Variants in MCC observed in about 807,000 individuals in gnomAD.
MCC encodes colorectal mutant cancer protein.
MCC carries 90 observed loss-of-function variants against 116.2 expected under a neutral mutation model. The observed-to-expected ratio is 0.77, with a 90% CI of 0.65 to 0.92. MCC has a LOEUF of 0.92. Ranked by LOEUF, MCC falls within the 40% of genes least tolerant of loss-of-function variation. The pLI is 0.00. For synonymous variants in MCC, 578 were observed against 510.5 expected, an observed-to-expected ratio of 1.13 and a Z score of -1.78; for missense variants, 1,516 against 1,312.2, an observed-to-expected ratio of 1.16 and a Z score of -2.40.
chr5:113,155,693 G>C (rs533704279), intron 3 of MCC, among the ~76,000 whole-genome samples: 1 of 152,276 alleles, frequency 6.6e-6, no homozygotes, highest in East Asian at 1.9e-4. Context: ...GAGAGATTCA[G>C]ACATATGAAC....
intron 1 of MCC, among the ~76,000 whole-genome samples, chr5:113,456,592 G>C (rs1385801385): frequency 4.1e-5 from 6 of 146,204 alleles, no homozygotes; most frequent in Non-Finnish European, 7.4e-5. Context: ...CAATAGCTGG[G>C]ACTACAGTCA....
At chr5:113,130,334 C>CG (rs1758347136) in intron 5 of MCC, among the ~76,000 whole-genome samples, 1 of 151,904 alleles carries the variant, frequency 6.6e-6, no homozygotes. Context: ...TGGGGCCTGT[C>CG]TGGGGATGGG....
intron 2 of MCC, among the ~76,000 whole-genome samples, chr5:113,378,028 A>G (rs1769027565): frequency 6.6e-6 from 1 of 152,226 alleles, no homozygotes; most frequent in Admixed American, 6.5e-5. Context: ...GAAATCTAAT[A>G]GTAGCATTCA....
At chr5:113,476,273 C>T (rs1197473999) in intron 1 of MCC, among the ~76,000 whole-genome samples, 5 of 152,274 alleles carry the variant, frequency 3.3e-5, no homozygotes, top group African/African-American at 4.8e-5. Context: ...TTGGACAATT[C>T]GTACTTCCCG....
chr5:113,061,662 T>A (rs1753227434), intron 14 of MCC, among the ~76,000 whole-genome samples: 1 of 152,168 alleles, frequency 6.6e-6, no homozygotes, highest in Non-Finnish European at 1.5e-5. Flanking sequence ...CCATTAACCC[T>A]CCTGTCGTTA....
At chr5:113,470,945 G>A (rs751018180) in intron 1 of MCC, among the ~76,000 whole-genome samples, 15 of 152,022 alleles carry the variant, frequency 9.9e-5, no homozygotes, top group Non-Finnish European at 1.5e-4. Flanking sequence ...TTCCATCACT[G>A]ATACCCTTTC....
chr5:113,415,466 C>G (rs1770118098), intron 1 of MCC, among the ~76,000 whole-genome samples: 1 of 152,158 alleles, frequency 6.6e-6, no homozygotes, highest in Non-Finnish European at 1.5e-5. Context: ...TTGTTCGTTT[C>G]TTTTTATGCT....
At chr5:113,358,838 T>C (rs1227049598) in intron 2 of MCC, among the ~76,000 whole-genome samples, 1 of 152,186 alleles carries the variant, frequency 6.6e-6, no homozygotes. Flanking sequence ...CATGAGTCTT[T>C]AGTCATTTAT....
At chr5:113,107,208 C>CTTTTTTT (rs746820475) in intron 6 of MCC, among the ~76,000 whole-genome samples, 11 of 125,066 alleles carry the variant, frequency 8.8e-5, no homozygotes, top group Non-Finnish European at 1.3e-4. Flanking sequence ...GCATGTTTTT[C>CTTTTTTT]TTTTTTTTTT....
intron 2 of MCC, among the ~76,000 whole-genome samples, chr5:113,355,147 G>A (rs986772318): frequency 2.6e-5 from 4 of 152,056 alleles, no homozygotes; most frequent in Non-Finnish European, 4.4e-5. Flanking sequence ...AAAAATAAAT[G>A]CTGACCAACC....
chr5:113,183,040 C>T (rs1761710539), intron 3 of MCC, among the ~76,000 whole-genome samples: 1 of 152,148 alleles, frequency 6.6e-6, no homozygotes, highest in African/African-American at 2.4e-5. Context: ...AGAATGAGAG[C>T]TGGGGAGGGT....
intron 1 of MCC, among the ~76,000 whole-genome samples, chr5:113,390,497 T>C (rs1412791300): frequency 3.3e-5 from 5 of 152,204 alleles, no homozygotes; most frequent in Non-Finnish European, 7.4e-5. Flanking sequence ...CACTCAAAAC[T>C]GCATGGTTTC....
intron 5 of MCC, among the ~76,000 whole-genome samples, chr5:113,132,345 A>C (rs1758480287): frequency 6.7e-6 from 1 of 149,776 alleles, no homozygotes; most frequent in South Asian, 2.1e-4. Flanking sequence ...TAAGAGGAAA[A>C]AGAAAAGTGC....
chr5:113,256,248 G>C (rs1413828211), intron 3 of MCC, among the ~76,000 whole-genome samples: 1 of 152,134 alleles, frequency 6.6e-6, no homozygotes, highest in Non-Finnish European at 1.5e-5. Context: ...TACTCTAACT[G>C]AATTGAAGCC....
intron 1 of MCC, among the ~76,000 whole-genome samples, chr5:113,403,022 C>T (rs1769736325): frequency 1.3e-5 from 2 of 152,188 alleles, no homozygotes; most frequent in Non-Finnish European, 2.9e-5. Context: ...CACTTTTATG[C>T]TTTCAGTGTT....
chr5:113,168,598 G>A (rs771201486), intron 3 of MCC, among the ~76,000 whole-genome samples: 7 of 152,178 alleles, frequency 4.6e-5, no homozygotes, highest in Admixed American at 6.5e-5. Flanking sequence ...TCTATGGTGA[G>A]TTCAAATTCC....
intron 2 of MCC, among the ~76,000 whole-genome samples, chr5:113,384,025 G>A (rs17135597): frequency 0.18 from 28,027 of 151,960 alleles, 3,087 homozygotes; most frequent in Admixed American, 0.31. Context: ...ACTTTCTTCC[G>A]TCTCTTTGTC....
In MCC at chr5:113,143,342, T is replaced by C; in HGVS notation, c.760A>G (p.Met254Val). 5 of 1,613,866 alleles carry C rather than the reference T, an allele frequency of 3.1e-6. No individual in the cohort carries two copies. Among genetic ancestry groups the C allele is most frequent in the Non-Finnish European group, 3.4e-6 (4 of 1,179,936 alleles). Reference protein sequence around the residue: ...AKAQCEQSHLMREHEDVQERT... With the variant: ...AKAQCEQSHLVREHEDVQERT... ...TCCTGGACATCCTCATGCTCTCTCA[T>C]GAGGTGGGACTGCTCGCACTGGGAA... is the stretch of plus-strand genomic sequence containing the variant. The change falls in exon 5 of 19, where the codon ATG becomes GTG. Residue 254 changes from methionine (M) to valine (V), a missense_variant. Met to Val is a conservative substitution (Grantham distance 21). Transcript: ENST00000408903.
intron 3 of MCC, among the ~76,000 whole-genome samples, chr5:113,179,974 C>T (rs1291171534): frequency 6.6e-6 from 1 of 152,152 alleles, no homozygotes; most frequent in Non-Finnish European, 1.5e-5. Flanking sequence ...TTCTGAATTA[C>T]CTGAAGATGT....
Sources: gnomAD v4.1 joint callset for allele counts (sites outside exome capture counted in the v4.1 genomes callset) on GRCh38, gnomAD v4.1.1 for gene constraint, MANE v1.5 for transcripts, NCBI Gene and HGNC (gene_info 2026-07-23, HGNC 2026-07-21) for gene names.